CFAP299: variants seen among roughly 807,000 people sequenced by gnomAD.
The protein encoded by CFAP299 is cilia and flagella associated protein 299, also known as cilia- and flagella-associated protein 299.
CFAP299 carries 21 observed loss-of-function variants against 27.0 expected under a neutral mutation model. The observed-to-expected ratio is 0.78, with a 90% CI of 0.55 to 1.12. CFAP299 has a LOEUF of 1.12. CFAP299 is among the 50% of genes most tolerant of loss of function. CFAP299 has a pLI of 0.00. For missense variants in CFAP299, 310 were observed against 276.6 expected (o/e 1.12, Z -0.86); for synonymous variants, 104 against 98.1 (o/e 1.06, Z -0.36).
At chr4:80,372,102 A>T (rs988832916) in intron 2 of CFAP299, among the ~76,000 whole-genome samples, 1 of 152,234 alleles carries the variant, frequency 6.6e-6, no homozygotes, top group East Asian at 1.9e-4. Flanking sequence ...ACATTTGCTC[A>T]GTTTCTAGAG....
At chr4:80,563,292 T>A (rs1229584898) in intron 2 of CFAP299, among the ~76,000 whole-genome samples, 1 of 152,110 alleles carries the variant, frequency 6.6e-6, no homozygotes, top group Non-Finnish European at 1.5e-5. Context: ...AAACCATATG[T>A]TAGGTCACAA....
chr4:80,782,293 AAAGC>A (rs1726924567), intron 3 of CFAP299, among the ~76,000 whole-genome samples: 1 of 151,902 alleles, frequency 6.6e-6, no homozygotes, highest in Non-Finnish European at 1.5e-5. Context: ...GGAGGAGAGC[AAAGC>A]CCATGGATGG....
At chr4:80,768,959 A>G (rs1378322013) in intron 3 of CFAP299, among the ~76,000 whole-genome samples, 1 of 152,228 alleles carries the variant, frequency 6.6e-6, no homozygotes. Flanking sequence ...GCTGTCTGAG[A>G]TGATTCAAGT....
intron 3 of CFAP299, among the ~76,000 whole-genome samples, chr4:80,762,355 A>G (rs1725585401): frequency 1.3e-5 from 2 of 152,102 alleles, no homozygotes; most frequent in South Asian, 4.1e-4. Flanking sequence ...AATAAATAGT[A>G]TATTTCACAT....
chr4:80,483,009 C>T (rs747301425), intron 2 of CFAP299, among the ~76,000 whole-genome samples: 18 of 152,054 alleles, frequency 1.2e-4, no homozygotes, highest in Non-Finnish European at 1.9e-4. Context: ...CATAGCAAAA[C>T]GGAACTAAGG....
intron 2 of CFAP299, among the ~76,000 whole-genome samples, chr4:80,433,947 A>G (rs17004898): frequency 0.084 from 12,827 of 152,220 alleles, 1,319 homozygotes; most frequent in African/African-American, 0.24. Context: ...TGTGTAACAC[A>G]TTTATAGTGT....
At chr4:80,672,971 A>G (rs1741587823) in intron 3 of CFAP299, among the ~76,000 whole-genome samples, 1 of 148,732 alleles carries the variant, frequency 6.7e-6, no homozygotes, top group Admixed American at 6.7e-5. Context: ...TCCTGGATTC[A>G]TTGATTTTTT....
intron 3 of CFAP299, among the ~76,000 whole-genome samples, chr4:80,585,309 A>G (rs954681189): frequency 1.3e-5 from 2 of 152,180 alleles, no homozygotes; most frequent in African/African-American, 4.8e-5. Context: ...TTTTGAACAT[A>G]CTGAATTTGA....
intron 3 of CFAP299, among the ~76,000 whole-genome samples, chr4:80,814,761 T>C (rs1729337469): frequency 6.6e-6 from 1 of 151,482 alleles, no homozygotes; most frequent in Admixed American, 6.6e-5. Context: ...CGAGTGAATA[T>C]TGGCACTAGA....
At chr4:80,565,882 G>T (rs1420837169) in intron 2 of CFAP299, among the ~76,000 whole-genome samples, 1 of 152,020 alleles carries the variant, frequency 6.6e-6, no homozygotes, top group Non-Finnish European at 1.5e-5. Context: ...TTTTTATTTG[G>T]ATGAAAGGAG....
chr4:80,741,279 T>G (rs1724251715), intron 3 of CFAP299, among the ~76,000 whole-genome samples: 1 of 152,126 alleles, frequency 6.6e-6, no homozygotes. Context: ...GATGGAGTCT[T>G]GCTCTGTCGC....
At chr4:80,690,674 G>A (rs1377337575) in intron 3 of CFAP299, among the ~76,000 whole-genome samples, 3 of 152,024 alleles carry the variant, frequency 2.0e-5, no homozygotes, top group Non-Finnish European at 2.9e-5. Flanking sequence ...GCTAACAGAA[G>A]GCAAGAAATA....
intron 3 of CFAP299, among the ~76,000 whole-genome samples, chr4:80,632,471 A>G (rs536442027): frequency 1.3e-5 from 2 of 152,302 alleles, no homozygotes; most frequent in African/African-American, 4.8e-5. Context: ...ATTATATGCC[A>G]GGCAAGTGCT....
chr4:80,481,443 A>G (rs1730563483), intron 2 of CFAP299, among the ~76,000 whole-genome samples: 1 of 152,108 alleles, frequency 6.6e-6, no homozygotes, highest in African/African-American at 2.4e-5. Flanking sequence ...CAGCTTAGCC[A>G]AAGGCATATT....
intron 2 of CFAP299, among the ~76,000 whole-genome samples, chr4:80,567,249 C>G (rs1157887922): frequency 6.6e-6 from 1 of 151,970 alleles, no homozygotes; most frequent in Non-Finnish European, 1.5e-5. Flanking sequence ...TTTAAAAACT[C>G]TTTCACATAA....
At chr4:80,485,208 C>T (rs1221451449) in intron 2 of CFAP299, among the ~76,000 whole-genome samples, 1 of 150,882 alleles carries the variant, frequency 6.6e-6, no homozygotes, top group Non-Finnish European at 1.5e-5. Context: ...GCTCTAACTA[C>T]AATTTTCATT....
intron 4 of CFAP299, chr4:80,871,311 T>A: frequency 2.0e-6 from 2 of 985,472 alleles, no homozygotes; most frequent in Non-Finnish European, 2.4e-6. Flanking sequence ...TCTTTTTGAT[T>A]TTTGGTTGTA....
intron 3 of CFAP299, among the ~76,000 whole-genome samples, chr4:80,760,645 G>T (rs1367471800): frequency 1.3e-5 from 2 of 152,164 alleles, no homozygotes; most frequent in Non-Finnish European, 2.9e-5. Flanking sequence ...GTTACTACTT[G>T]CAGGCTGTTT....
chr4:80,432,209 T>C (rs910056828), intron 2 of CFAP299, among the ~76,000 whole-genome samples: 7 of 151,790 alleles, frequency 4.6e-5, no homozygotes, highest in Non-Finnish European at 1.0e-4. Context: ...TGGAGTGCAA[T>C]GGTGCCATCT....
Sources: allele counts gnomAD v4.1 joint callset (sites outside exome capture counted in the v4.1 genomes callset), GRCh38; gene constraint gnomAD v4.1.1; transcripts MANE v1.5; gene names NCBI Gene and HGNC (gene_info 2026-07-23, HGNC 2026-07-21).